Variants in STRA6 observed in about 807,000 individuals in gnomAD.
STRA6 encodes the protein signaling receptor and transporter of retinol STRA6, also known as receptor for retinol uptake STRA6.
Under a neutral mutation model 83.6 loss-of-function variants are expected in STRA6, and 48 were observed. The ratio of observed to expected loss-of-function variants is 0.57; its 90% CI spans 0.46 to 0.73. The LOEUF is 0.73. Ranked by LOEUF, STRA6 falls within the 30% of genes least tolerant of loss-of-function variation. The pLI is 0.00. For missense variants in STRA6, 760 were observed against 838.8 expected (o/e 0.91, Z 1.16); for synonymous variants, 353 against 362.3 (o/e 0.97, Z 0.29).
intron 18 of STRA6, among the ~76,000 whole-genome samples, chr15:74,180,576 C>T (rs1269521281): frequency 6.6e-6 from 1 of 152,126 alleles, no homozygotes; most frequent in Admixed American, 6.5e-5. Context: ...TCTCTGTGTG[C>T]ACACATATGG....
In STRA6 at chr15:74,196,128, C is replaced by G. The variant is rs1427702797; in HGVS notation, c.286G>C (p.Gly96Arg). 3 of 1,613,862 alleles carry G rather than the reference C, an allele frequency of 1.9e-6. No homozygotes were observed. Among genetic ancestry groups the G allele is most frequent in the Non-Finnish European group, 2.5e-6 (3 of 1,179,994 alleles). Residue 96 changes from glycine (G) to arginine (R), a missense_variant, in exon 5 of 19, where the codon GGG becomes CGG. Coordinates refer to ENST00000395105, the MANE Select transcript of STRA6 (RefSeq NM_022369.4). ...GLPSPVDFLA[G>R]DRPRAVPAAV... ...GCAGGCACTGCCCGGGGCCTGTCCCCAGCCAAGAAATCCACAGGGCTAGCA... is the reference window on the plus strand; with the variant it reads ...GCAGGCACTGCCCGGGGCCTGTCCCGAGCCAAGAAATCCACAGGGCTAGCA...
intron 8 of STRA6, chr15:74,191,810 A>C (rs2073555118): frequency 2.0e-5 from 9 of 454,464 alleles, no homozygotes; most frequent in Non-Finnish European, 3.3e-5. Flanking sequence ...TCCCACCCCT[A>C]GCCCTCTGGC....
Position 74,182,441 on chromosome 15 carries a change from G to A in STRA6, c.1320C>T (p.Ile440=). 1 of 1,610,346 alleles carries A rather than the reference G, an allele frequency of 6.2e-7. No homozygotes were observed. The highest frequency in any genetic ancestry group is 1.1e-5 in the South Asian group (1 of 90,364). The change falls in exon 15 of 19, where the codon ATC becomes ATT. Residue 440 remains isoleucine (I), a synonymous_variant. Transcript: ENST00000395105. ...FICLGLLVQQ[I]IFFLGTTALA... is the part of the protein sequence containing the mutation. ...GGGCCGTGGTTCCCAGGAAGAAGAT[G>A]ATCTGCTGCACCAGGAGCCCTGCCA...
intron 16 of STRA6, among the ~76,000 whole-genome samples, chr15:74,181,697 G>A (rs192878752): frequency 7.9e-5 from 12 of 152,332 alleles, no homozygotes; most frequent in African/African-American, 2.4e-4. Context: ...CAGCTATTCA[G>A]TGGCAGAGCT....
rs755840821 is a variant in STRA6, at chr15:74,202,513, C to T, written c.-16+200G>A. The T allele has an allele frequency of 2.0e-6, 3 of 1,526,522 alleles. No individual in the cohort carries two copies. In the South Asian group the frequency reaches 3.7e-5, roughly 19 times the overall value. The allele number at this position is 1,526,522 out of a possible 1,614,324, so 94.6% of individuals were successfully genotyped here. On this transcript the variant is annotated intron_variant, in intron 1 of 18. Transcript: ENST00000395105. Reference sequence around the variant, plus strand: ...CCTCTCGTGTCCCCTCCTCCCTTCCCGCCCATCGCACTGGTCCTGCAGAGA... The same window carrying T: ...CCTCTCGTGTCCCCTCCTCCCTTCCTGCCCATCGCACTGGTCCTGCAGAGA...
chr15:74,181,812 A>T (rs942465790), intron 16 of STRA6, among the ~76,000 whole-genome samples: 34 of 152,112 alleles, frequency 2.2e-4, no homozygotes, highest in Non-Finnish European at 8.8e-5. Context: ...CTGGGAGCCA[A>T]GGTTCTCCCA....
intron 2 of STRA6, 77 bp from the exon 3 acceptor site, chr15:74,197,895 T>G (rs888658590): frequency 2.8e-5 from 41 of 1,473,066 alleles, no homozygotes; most frequent in Non-Finnish European, 3.6e-5. Flanking sequence ...GGTTCAAGAC[T>G]GTTCACACTG....
At position 74,180,145 on chromosome 15, in the gene STRA6, G is replaced by C; in HGVS notation, c.1939C>G (p.His647Asp). 1 of 1,613,874 alleles carries C rather than the reference G, an allele frequency of 6.2e-7. No individual in the cohort carries two copies. The highest frequency in any genetic ancestry group is 8.5e-7 in the Non-Finnish European group (1 of 1,179,890). Residue 647 changes from histidine (H) to aspartate (D), a missense_variant, in exon 19 of 19, where the codon CAC becomes GAC. Coordinates refer to ENST00000395105, the MANE Select transcript of STRA6 (RefSeq NM_022369.4). ...CGGAAGACCTGCAGGGTTGGGTTGT[G>C]CAGCAGCGTGTAGGCCAGACCCCAG... ...ARWGLAYTLL[H>D]NPTLQVFRKT...
chr15:74,202,023 T>C, intron 2 of STRA6, 132 bp downstream of exon 2: 1 of 1,142,126 alleles, frequency 8.8e-7, no homozygotes, highest in Non-Finnish European at 1.1e-6. Context: ...TTGCCCAAGG[T>C]CACACAGCAA....
At chr15:74,207,981 G>A in intron 1 of STRA6, 2 of 1,421,238 alleles carry the variant, frequency 1.4e-6, no homozygotes, top group Non-Finnish European at 1.8e-6. Flanking sequence ...CCATGTGGGA[G>A]GGTCAGAAGC....
chr15:74,211,906 T>TATCA (rs1024323159), upstream of STRA6, among the ~76,000 whole-genome samples: 7 of 152,172 alleles, frequency 4.6e-5, no homozygotes, highest in Admixed American at 4.6e-4. Flanking sequence ...GTTTTCTCTC[T>TATCA]ATCACTCTCT....
In STRA6 at chr15:74,185,026, A is replaced by G; in HGVS notation, c.1120T>C (p.Cys374Arg). ...VCYISALVLS[C>R]LLTFLVLMRS... ...ATCAGGACCAGGAAGGTGAGTAAGC[A>G]GGACAAGACCAAGGCTGAGATGTAG... Residue 374 changes from cysteine (C) to arginine (R), a missense_variant, in exon 13 of 19, where the codon TGC becomes CGC. By Grantham distance (180) the Cys-to-Arg change is radical. Coordinates refer to ENST00000395105, the MANE Select transcript of STRA6 (RefSeq NM_022369.4). 6 of 1,614,068 alleles carry G rather than the reference A, an allele frequency of 3.7e-6. No homozygotes were observed. The highest frequency in any genetic ancestry group is 5.1e-6 in the Non-Finnish European group (6 of 1,179,988).
At chr15:74,192,046 T>C (rs351227) in intron 8 of STRA6, 2,156 of 169,252 alleles carry the variant, frequency 0.013, 59 homozygotes, top group African/African-American at 0.048. Flanking sequence ...AGCCCCTGCC[T>C]GGAATCACTG....
In STRA6 at chr15:74,193,876, C is replaced by CCCAGCAGGAGAGGCAGGGAGG; in HGVS notation, c.623_643dup (p.Ala208_Leu214dup). 1.9e-6 allele frequency: 3 copies of CCCAGCAGGAGAGGCAGGGAGG among 1,613,962 alleles called. No homozygotes were observed. Among genetic ancestry groups the CCCAGCAGGAGAGGCAGGGAGG allele is most frequent in the Non-Finnish European group, 2.5e-6 (3 of 1,179,872 alleles). On this transcript the variant is annotated inframe_insertion, in exon 8 of 19. Coordinates refer to ENST00000395105, the MANE Select transcript of STRA6 (RefSeq NM_022369.4). ...GTACCAAAGGCTCAGGAATCCGAGG[C>CCCAGCAGGAGAGGCAGGGAGG]CCAGCAGGAGAGGCAGGGAGGCCAG...
upstream of STRA6, among the ~76,000 whole-genome samples, chr15:74,206,963 G>A (rs1446949720): frequency 2.0e-5 from 3 of 152,204 alleles, no homozygotes; most frequent in Admixed American, 6.5e-5. Flanking sequence ...CACTATGGGA[G>A]GAGGTCCTAA....
rs924299315 is a variant in STRA6 at position 74,188,527 on chromosome 15, C to T, written c.1090+588G>A. On this transcript the variant is annotated intron_variant, in intron 12 of 18. Coordinates refer to ENST00000395105, the MANE Select transcript of STRA6 (RefSeq NM_022369.4). This position sits in a 1 kb window ranked among gnomAD's most constrained non-coding sequence, Gnocchi z 4.5. ...CCCCATGTGTCAAGTGGGGACACTT[C>T]TCAGTCCCCTCCACAGCGCTGTTGG... 1.3e-5 allele frequency among the ~76,000 whole-genome samples: 2 copies of T among 152,234 alleles called. No individual in the cohort carries two copies. The highest frequency in any genetic ancestry group is 2.9e-5 in the Non-Finnish European group (2 of 68,038).
Position 74,195,968 on chromosome 15 carries a change from C to A in STRA6, c.406+40G>T, listed in dbSNP as rs1219523882. ...ACTCCGAGACCCCACCCTACCCCATCCCATCACACCAACCCCAGGGCCTGG... is the reference window on the plus strand; with the variant it reads ...ACTCCGAGACCCCACCCTACCCCATACCATCACACCAACCCCAGGGCCTGG... On this transcript the variant is annotated intron_variant, in intron 5 of 18. Coordinates refer to ENST00000395105, the MANE Select transcript of STRA6 (RefSeq NM_022369.4). 2.5e-6 allele frequency: 4 copies of A among 1,612,550 alleles called. No homozygotes were observed. The South Asian group carries it at 4.4e-5, about 18-fold the overall frequency.
chr15:74,206,916 C>G (rs1440350619), upstream of STRA6, among the ~76,000 whole-genome samples: 1 of 152,188 alleles, frequency 6.6e-6, no homozygotes, highest in Non-Finnish European at 1.5e-5. Flanking sequence ...GCAGGTCTCC[C>G]AACTGGGCAC....
Position 74,195,316 on chromosome 15 carries a change from G to T in STRA6, c.583C>A (p.Pro195Thr). ...GVQVWQRAEC[P>T]QVPKIYKYYS... ...TCAGCGGTTACCTTGGGCACCTGGG[G>T]ACACTCTGCCCTCTGCCAGACCTGG... Residue 195 changes from proline (P) to threonine (T), a missense_variant, in exon 7 of 19, where the codon CCC (proline) becomes ACC (threonine). By Grantham distance (38) the Pro-to-Thr change is conservative (BLOSUM62 -1). Transcript: ENST00000395105. The T allele has an allele frequency of 6.2e-7, 1 of 1,612,696 alleles. No homozygotes were observed. Among genetic ancestry groups the T allele is most frequent in the Non-Finnish European group, 8.5e-7 (1 of 1,179,916 alleles).
Sources: allele counts gnomAD v4.1 joint callset (sites outside exome capture counted in the v4.1 genomes callset), GRCh38; gene constraint gnomAD v4.1.1; non-coding constraint Gnocchi (gnomAD v3.1); transcripts MANE v1.5; gene names NCBI Gene and HGNC (gene_info 2026-07-23, HGNC 2026-07-21).